PAPSS1: variants seen among roughly 807,000 people sequenced by gnomAD.
PAPSS1 encodes 3'-phosphoadenosine 5'-phosphosulfate synthase 1.
Under a neutral mutation model 72.0 loss-of-function variants are expected in PAPSS1, and 50 were observed. The ratio of observed to expected loss-of-function variants is 0.69; its 90% confidence interval spans 0.55 to 0.88. PAPSS1 has a LOEUF of 0.88. Among genes scored for constraint, PAPSS1 ranks in the 40% least tolerant of loss-of-function variants. PAPSS1 has a pLI of 0.00. For synonymous variants in PAPSS1, 261 were observed against 263.6 expected (o/e 0.99, Z 0.09); for missense variants, 657 against 782.2 (o/e 0.84, Z 1.91).
At chr4:107,710,372 T>A (rs1723458533) in intron 1 of PAPSS1, among the ~76,000 whole-genome samples, 1 of 152,218 alleles carries the variant, frequency 6.6e-6, no homozygotes, top group Non-Finnish European at 1.5e-5. Context: ...GAAGTCCCTA[T>A]AACATTTACT....
At chr4:107,698,337 T>C (rs1723121732) in intron 2 of PAPSS1, among the ~76,000 whole-genome samples, 1 of 152,184 alleles carries the variant, frequency 6.6e-6, no homozygotes, top group Non-Finnish European at 1.5e-5. Context: ...TACAGAAGAT[T>C]TGACACCACA....
intron 1 of PAPSS1, among the ~76,000 whole-genome samples, chr4:107,706,597 C>A (rs940021531): frequency 5.3e-5 from 8 of 152,114 alleles, no homozygotes; most frequent in Non-Finnish European, 7.4e-5. Flanking sequence ...CTTTTTCAGG[C>A]AGTTCATGTA....
At chr4:107,717,512 T>C (rs1173042931) in intron 1 of PAPSS1, among the ~76,000 whole-genome samples, 1 of 152,166 alleles carries the variant, frequency 6.6e-6, no homozygotes. Flanking sequence ...CATAGAGAAA[T>C]TAAGTGACCA....
At chr4:107,693,673 G>A (rs540799015) in intron 3 of PAPSS1, 98 bp downstream of exon 3, 11 of 783,174 alleles carry the variant, frequency 1.4e-5, no homozygotes, top group East Asian at 5.1e-5. Flanking sequence ...AGTAGAGTTA[G>A]CCTCAAAGCA....
At chr4:107,686,929 A>T in intron 4 of PAPSS1, 110 bp downstream of exon 4, 2 of 963,132 alleles carry the variant, frequency 2.1e-6, no homozygotes, top group South Asian at 3.1e-5. Flanking sequence ...TCTCTCCTCA[A>T]GGAGCTCCAA....
chr4:107,616,725 T>TG (rs1725831848), intron 11 of PAPSS1, among the ~76,000 whole-genome samples: 1 of 152,202 alleles, frequency 6.6e-6, no homozygotes, highest in Non-Finnish European at 1.5e-5. Context: ...AAATTAAGAA[T>TG]GGGTCTTAGA....
At chr4:107,643,643 G>C (rs1401225714) in intron 10 of PAPSS1, among the ~76,000 whole-genome samples, 3 of 152,170 alleles carry the variant, frequency 2.0e-5, no homozygotes, top group Admixed American at 2.0e-4. Flanking sequence ...ATGTTAATGT[G>C]AGGGTACCGA....
At position 107,701,250 on chromosome 4, in the gene PAPSS1, G is replaced by A; in HGVS notation, c.96C>T (p.Ala32=). 2 of 1,613,512 alleles carry A rather than the reference G, an allele frequency of 1.2e-6. No homozygotes were observed. Among genetic ancestry groups the A allele is most frequent in the Non-Finnish European group, 1.7e-6 (2 of 1,179,726 alleles). The change falls in exon 2 of 12, where the codon GCC becomes GCT. Residue 32 remains alanine, a synonymous_variant. Transcript: ENST00000265174. ...CTCTCTTGTTCCTGCTGACATGATG[G>A]GCTTGGTAGGTGACATTGGTTGCTC... ...MQRATNVTYQ[A]HHVSRNKRGQ...
intron 1 of PAPSS1, among the ~76,000 whole-genome samples, chr4:107,710,563 A>G (rs1723464286): frequency 6.6e-6 from 1 of 152,194 alleles, no homozygotes; most frequent in African/African-American, 2.4e-5. Context: ...AAGAACACTC[A>G]GGGGCATATG....
At chr4:107,631,545 G>T in intron 11 of PAPSS1, 86 bp downstream of exon 11, 1 of 913,200 alleles carries the variant, frequency 1.1e-6, no homozygotes, top group Non-Finnish European at 1.7e-6. Flanking sequence ...CCTGTCATCA[G>T]TAAAGATTAG....
At chr4:107,649,155 G>C (rs906360109) in intron 9 of PAPSS1, among the ~76,000 whole-genome samples, 1 of 152,206 alleles carries the variant, frequency 6.6e-6, no homozygotes, top group African/African-American at 2.4e-5. Context: ...GTCCCTCAGG[G>C]CTTCCCCTAG....
At chr4:107,614,438 T>C (rs781657956) in intron 11 of PAPSS1, 51 bp from the exon 12 acceptor site, 24 of 1,464,518 alleles carry the variant, frequency 1.6e-5, no homozygotes, top group Non-Finnish European at 2.8e-6. Context: ...GAAACTTAGA[T>C]TTTTAAAAAG....
intron 1 of PAPSS1, among the ~76,000 whole-genome samples, chr4:107,702,354 T>C (rs1255840756): frequency 6.6e-6 from 1 of 152,240 alleles, no homozygotes; most frequent in Non-Finnish European, 1.5e-5. Context: ...TATGATCACA[T>C]AAAACTTGTA....
intron 3 of PAPSS1, 145 bp from the exon 4 acceptor site, chr4:107,687,322 C>G (rs1722812955): frequency 1.7e-6 from 1 of 599,042 alleles, no homozygotes. Context: ...AAAAAAAAAT[C>G]CAAGAAATTA....
At chr4:107,643,672 C>T (rs1032750081) in intron 10 of PAPSS1, among the ~76,000 whole-genome samples, 1 of 151,832 alleles carries the variant, frequency 6.6e-6, no homozygotes, top group Non-Finnish European at 1.5e-5. Flanking sequence ...AGGGGGAGGA[C>T]AAGTAGTGAA....
intron 5 of PAPSS1, among the ~76,000 whole-genome samples, chr4:107,661,746 A>G (rs753418248): frequency 1.1e-4 from 16 of 152,198 alleles, no homozygotes; most frequent in Non-Finnish European, 2.1e-4. Context: ...ATTTTTCCTG[A>G]GGAATAGATG....
At chr4:107,653,282 C>T (rs112257259) in intron 9 of PAPSS1, among the ~76,000 whole-genome samples, 1,543 of 152,136 alleles carry the variant, frequency 0.01, 30 homozygotes, top group African/African-American at 0.034. Flanking sequence ...TAGCATCTAG[C>T]TTCCAGAGTA....
intron 1 of PAPSS1, among the ~76,000 whole-genome samples, chr4:107,711,277 G>A (rs1723486372): frequency 6.6e-6 from 1 of 152,100 alleles, no homozygotes. Context: ...CCTGTCACTA[G>A]GCTAATATTG....
intron 1 of PAPSS1, chr4:107,719,842 C>T (rs1231474744): frequency 1.5e-5 from 20 of 1,325,570 alleles, no homozygotes; most frequent in Non-Finnish European, 1.7e-5. Context: ...GGGGGTCTTA[C>T]CTGAGCGGAG....
Sources: gnomAD v4.1 joint callset for allele counts (sites outside exome capture counted in the v4.1 genomes callset) on GRCh38, gnomAD v4.1.1 for gene constraint, MANE v1.5 for transcripts, NCBI Gene and HGNC (gene_info 2026-07-23, HGNC 2026-07-21) for gene names.